Variants in NCKAP5 observed in about 807,000 individuals in gnomAD.
NCKAP5 encodes the protein NCK associated protein 5, also known as nck-associated protein 5.
Under a neutral mutation model 167.0 loss-of-function variants are expected in NCKAP5, and 92 were observed. That is an observed-to-expected ratio of 0.55 (90% CI 0.47 to 0.66). The LOEUF (loss-of-function observed/expected upper bound fraction) is 0.66. Ranked by LOEUF, NCKAP5 falls within the 30% of genes least tolerant of loss-of-function variation. The probability of loss-of-function intolerance (pLI) is 0.00; values close to 1 mark genes in which losing one functional copy is unlikely to be tolerated. For missense variants in NCKAP5, 2,378 were observed against 2,315.0 expected (o/e 1.03, Z -0.56); for synonymous variants, 891 against 877.4 (o/e 1.02, Z -0.27).
intron 3 of NCKAP5, among the ~76,000 whole-genome samples, chr2:133,458,620 C>G (rs1692003071): frequency 6.6e-6 from 1 of 152,068 alleles, no homozygotes; most frequent in South Asian, 2.1e-4. Flanking sequence ...AAATCTACCA[C>G]AAGGGAAAAG....
At chr2:132,882,054 C>T (rs1052129445) in intron 8 of NCKAP5, among the ~76,000 whole-genome samples, 2 of 152,160 alleles carry the variant, frequency 1.3e-5, no homozygotes, top group Non-Finnish European at 2.9e-5. Flanking sequence ...TTTTGATGTT[C>T]AAATCACTCC....
intron 3 of NCKAP5, among the ~76,000 whole-genome samples, chr2:133,513,234 A>G (rs75647755): frequency 2.0e-5 from 3 of 152,366 alleles, no homozygotes; most frequent in Non-Finnish European, 4.4e-5. Flanking sequence ...GTGCCAGAAC[A>G]TAGATAGAGC....
intron 5 of NCKAP5, among the ~76,000 whole-genome samples, chr2:133,198,761 A>G (rs186727715): frequency 9.2e-5 from 14 of 152,278 alleles, no homozygotes; most frequent in African/African-American, 2.9e-4. Context: ...CACTGGAGGT[A>G]GTGTGAGGAA....
chr2:133,254,839 T>G (rs951748849), intron 4 of NCKAP5, among the ~76,000 whole-genome samples: 15 of 151,974 alleles, frequency 9.9e-5, no homozygotes, highest in African/African-American at 3.6e-4. Flanking sequence ...CTCTAAAGAG[T>G]TGAAGAACTG....
chr2:133,448,496 T>C (rs1247972545), intron 3 of NCKAP5, among the ~76,000 whole-genome samples: 2 of 152,158 alleles, frequency 1.3e-5, no homozygotes. Flanking sequence ...AAGTAGCGCA[T>C]GTATGTTCTT....
intron 10 of NCKAP5, among the ~76,000 whole-genome samples, chr2:132,865,614 C>T (rs944127099): frequency 6.6e-6 from 1 of 152,130 alleles, no homozygotes; most frequent in African/African-American, 2.4e-5. Flanking sequence ...TCCCTGTGAT[C>T]ATAACCAGCC....
chr2:133,029,062 T>C (rs2078791799), intron 6 of NCKAP5, among the ~76,000 whole-genome samples: 1 of 152,144 alleles, frequency 6.6e-6, no homozygotes, highest in Non-Finnish European at 1.5e-5. Flanking sequence ...GTGGGCCAAT[T>C]AAACTTTTTT....
intron 19 of NCKAP5, among the ~76,000 whole-genome samples, chr2:132,681,292 T>C (rs1304066218): frequency 2.0e-5 from 3 of 151,778 alleles, no homozygotes; most frequent in Non-Finnish European, 2.9e-5. Flanking sequence ...ATGTATACCA[T>C]ATGAGTAAAA....
the NCKAP5 span, among the ~76,000 whole-genome samples, chr2:133,576,138 G>A: frequency 6.6e-6 from 1 of 152,232 alleles, no homozygotes; most frequent in East Asian, 1.9e-4. Flanking sequence ...ACTTGAATGG[G>A]TGATGAGGAA....
At chr2:132,997,198 G>A (rs2077629248) in intron 6 of NCKAP5, among the ~76,000 whole-genome samples, 1 of 152,166 alleles carries the variant, frequency 6.6e-6, no homozygotes, top group Non-Finnish European at 1.5e-5. Context: ...GCAGAGTGAG[G>A]AAACTGCAGA....
At chr2:133,479,822 G>A (rs1268821337) in intron 3 of NCKAP5, among the ~76,000 whole-genome samples, 1 of 152,042 alleles carries the variant, frequency 6.6e-6, no homozygotes, top group Non-Finnish European at 1.5e-5. Flanking sequence ...GTGACACTTT[G>A]ATAAGACATT....
intron 11 of NCKAP5, among the ~76,000 whole-genome samples, chr2:132,841,351 A>G (rs1031787218): frequency 6.6e-6 from 1 of 152,096 alleles, no homozygotes; most frequent in Non-Finnish European, 1.5e-5. Flanking sequence ...GAATAAAGAG[A>G]TTACAGCTAT....
At chr2:133,233,682 T>C (rs79433916) in intron 4 of NCKAP5, among the ~76,000 whole-genome samples, 3,114 of 152,256 alleles carry the variant, frequency 0.02, 94 homozygotes, top group South Asian at 0.061. Flanking sequence ...ATAAAATACC[T>C]TCAACATAAT....
intron 6 of NCKAP5, among the ~76,000 whole-genome samples, chr2:133,102,125 CT>C (rs945993080): frequency 1.4e-5 from 2 of 143,112 alleles, no homozygotes; most frequent in African/African-American, 2.5e-5. Flanking sequence ...CTGATTTTTT[CT>C]TTTTTTCTTT....
chr2:132,799,893 G>A (rs898348604), intron 11 of NCKAP5, among the ~76,000 whole-genome samples: 3 of 152,016 alleles, frequency 2.0e-5, no homozygotes, highest in Non-Finnish European at 4.4e-5. Flanking sequence ...ATCATCTCAA[G>A]CACAATAAAA....
chr2:133,117,277 G>A (rs2082112623), intron 6 of NCKAP5: 1 of 152,202 alleles, frequency 6.6e-6, no homozygotes, highest in Non-Finnish European at 1.5e-5. Context: ...AAAAATAAAT[G>A]AGATAACTGT....
At chr2:133,442,791 G>A (rs1679961286) in intron 3 of NCKAP5, among the ~76,000 whole-genome samples, 1 of 152,206 alleles carries the variant, frequency 6.6e-6, no homozygotes, top group Admixed American at 6.5e-5. Context: ...CAGCACCAGT[G>A]CCAGACAGCC....
chr2:132,743,299 C>A (rs1055530086), intron 16 of NCKAP5, among the ~76,000 whole-genome samples: 1 of 151,642 alleles, frequency 6.6e-6, no homozygotes, highest in Non-Finnish European at 1.5e-5. Flanking sequence ...CTAAAATTTG[C>A]AGGGCAGATG....
intron 3 of NCKAP5, among the ~76,000 whole-genome samples, chr2:133,378,490 T>C (rs1686305571): frequency 6.6e-6 from 1 of 152,162 alleles, no homozygotes; most frequent in African/African-American, 2.4e-5. Context: ...TCTGCCAAGT[T>C]TTGCATCCAA....
Sources: gnomAD v4.1 joint callset for allele counts (sites outside exome capture counted in the v4.1 genomes callset) on GRCh38, gnomAD v4.1.1 for gene constraint, MANE v1.5 for transcripts, NCBI Gene and HGNC (gene_info 2026-07-23, HGNC 2026-07-21) for gene names.